KPNA4: variants seen among roughly 807,000 people sequenced by gnomAD.
KPNA4 encodes importin subunit alpha-3.
KPNA4 carries 13 observed loss-of-function variants against 71.3 expected under a neutral mutation model. That is an observed-to-expected ratio of 0.18 (90% CI 0.12 to 0.29). The LOEUF (loss-of-function observed/expected upper bound fraction) is 0.29, where lower values mean the gene tolerates loss of function less well. KPNA4 is among the 10% of genes least tolerant of loss of function. The pLI is 1.00. For missense variants in KPNA4, 334 were observed against 603.2 expected (o/e 0.55, Z 4.67); for synonymous variants, 189 against 195.2 (o/e 0.97, Z 0.26).
intron 5 of KPNA4, 99 bp from the exon 6 acceptor site, chr3:160,531,656 T>C (rs1204830239): frequency 3.1e-5 from 18 of 575,780 alleles, no homozygotes; most frequent in Non-Finnish European, 5.1e-5. Context: ...AATCTGAATA[T>C]TTGGTACAAG....
chr3:160,533,212 C>T (rs977501173), intron 5 of KPNA4, among the ~76,000 whole-genome samples: 9 of 151,922 alleles, frequency 5.9e-5, no homozygotes, highest in Admixed American at 1.3e-4. Context: ...TTAGTAGAGA[C>T]GGGGGTTTCA....
At chr3:160,540,373 T>C (rs1413547893) in intron 1 of KPNA4, among the ~76,000 whole-genome samples, 2 of 152,210 alleles carry the variant, frequency 1.3e-5, no homozygotes, top group African/African-American at 4.8e-5. Context: ...TTGAAACTAC[T>C]AATAAAGCAT....
At chr3:160,531,087 A>C in intron 6 of KPNA4, 147 bp from the exon 7 acceptor site, 1 of 612,108 alleles carries the variant, frequency 1.6e-6, no homozygotes, top group East Asian at 2.9e-5. Flanking sequence ...TTAACCCTCA[A>C]CAACTGTTTA....
At chr3:160,513,935 G>A (rs746351484) in intron 13 of KPNA4, 142 bp downstream of exon 13, 19 of 455,608 alleles carry the variant, frequency 4.2e-5, no homozygotes, top group Middle Eastern at 3.8e-4. Context: ...TTCAAAAGTC[G>A]TAATGTTAAT....
chr3:160,518,289 C>T (rs1453558340), intron 11 of KPNA4, among the ~76,000 whole-genome samples: 1 of 151,714 alleles, frequency 6.6e-6, no homozygotes, highest in African/African-American at 2.4e-5. Flanking sequence ...GCGCCCGCTA[C>T]CACGCCCGGC....
rs146413888 is a variant in KPNA4 at position 160,559,370 on chromosome 3, A to C, written c.69+5844T>G. ...TGAACCTGACAGATTCTCAATACTT[A>C]AGATTTTTCTGAATTGTGTGGTTAA... On this transcript the variant is annotated intron_variant, in intron 1 of 16. Coordinates refer to ENST00000334256, the MANE Select transcript of KPNA4 (RefSeq NM_002268.5). 7.6e-3 allele frequency among the ~76,000 whole-genome samples: 1,160 copies of C among 152,290 alleles called. 11 individuals carry two copies. Among genetic ancestry groups the C allele is most frequent in the Non-Finnish European group, 9.3e-3 (630 of 67,990 alleles).
chr3:160,520,919 G>C (rs773110728), intron 11 of KPNA4, among the ~76,000 whole-genome samples: 3 of 152,164 alleles, frequency 2.0e-5, no homozygotes, highest in Non-Finnish European at 4.4e-5. Flanking sequence ...TACAACTGTA[G>C]CTTAACAGCT....
intron 14 of KPNA4, among the ~76,000 whole-genome samples, 198 bp from the exon 15 acceptor site, chr3:160,508,467 AAAC>A (rs1378991699): frequency 6.6e-6 from 1 of 152,172 alleles, no homozygotes; most frequent in Non-Finnish European, 1.5e-5. Flanking sequence ...ACTTAGAAAA[AAAC>A]AACGTAAAGT....
chr3:160,536,826 T>G lies in KPNA4; in HGVS notation c.84A>C (p.Gln28His). ...KGRDLETMRR[Q>H]RNEVVVELRK... ...TTAATTCAACTACAACTTCATTTCG[T>G]TGTCTTCTCATAGTCTACAAAAAAA... The change falls in exon 2 of 17, where the codon CAA (glutamine) becomes CAC (histidine). Residue 28 changes from glutamine to histidine, a missense_variant. Transcript: ENST00000334256. The G allele has an allele frequency of 1.9e-6, 3 of 1,581,570 alleles. No individual in the cohort carries two copies. Among genetic ancestry groups the G allele is most frequent in the Non-Finnish European group, 2.6e-6 (3 of 1,153,732 alleles).
chr3:160,539,257 T>C (rs1358471582), intron 1 of KPNA4, among the ~76,000 whole-genome samples: 1 of 152,212 alleles, frequency 6.6e-6, no homozygotes, highest in East Asian at 1.9e-4. Flanking sequence ...TTGGTACAGA[T>C]ATAGATTTTT....
At chr3:160,545,451 T>C (rs1721884987) in intron 1 of KPNA4, among the ~76,000 whole-genome samples, 1 of 152,172 alleles carries the variant, frequency 6.6e-6, no homozygotes, top group South Asian at 2.1e-4. Flanking sequence ...TGAAAGACTG[T>C]AAATAAAGTT....
intron 1 of KPNA4, among the ~76,000 whole-genome samples, chr3:160,544,905 G>A (rs936752325): frequency 1.3e-5 from 2 of 152,094 alleles, no homozygotes; most frequent in African/African-American, 4.8e-5. Context: ...TCAAACTCAT[G>A]GTTTTCTTAC....
chr3:160,528,661 C>T (rs1175710192), intron 7 of KPNA4, among the ~76,000 whole-genome samples: 3 of 152,116 alleles, frequency 2.0e-5, no homozygotes, highest in East Asian at 3.9e-4. Flanking sequence ...CCACTGCACC[C>T]GGCCTGAAGT....
At chr3:160,549,078 T>C (rs1721987277) in intron 1 of KPNA4, among the ~76,000 whole-genome samples, 1 of 152,238 alleles carries the variant, frequency 6.6e-6, no homozygotes, top group Admixed American at 6.5e-5. Context: ...CTATTTTGTT[T>C]ATCCTCCTTA....
At chr3:160,521,362 G>T (rs1721345737) in intron 11 of KPNA4, among the ~76,000 whole-genome samples, 1 of 152,218 alleles carries the variant, frequency 6.6e-6, no homozygotes. Flanking sequence ...ACTTTGGGAG[G>T]CTGGGGTGGA....
chr3:160,547,263 TC>T (rs1330550031), intron 1 of KPNA4, among the ~76,000 whole-genome samples: 1 of 152,190 alleles, frequency 6.6e-6, no homozygotes, highest in Admixed American at 6.5e-5. Context: ...TTATTCACAA[TC>T]CTCTCCTCCC....
At chr3:160,504,115 T>G (rs1720937208) in intron 16 of KPNA4, among the ~76,000 whole-genome samples, 1 of 152,220 alleles carries the variant, frequency 6.6e-6, no homozygotes, top group African/African-American at 2.4e-5. Flanking sequence ...ATTTTATTTC[T>G]GGTTTATTTA....
chr3:160,548,084 G>T (rs1419991270), intron 1 of KPNA4, among the ~76,000 whole-genome samples: 2 of 152,156 alleles, frequency 1.3e-5, no homozygotes, highest in African/African-American at 2.4e-5. Flanking sequence ...TATGGTAAGA[G>T]TATGTTCAGT....
At chr3:160,539,127 C>A (rs1469618070) in intron 1 of KPNA4, among the ~76,000 whole-genome samples, 1 of 152,156 alleles carries the variant, frequency 6.6e-6, no homozygotes, top group Admixed American at 6.6e-5. Context: ...TATGGGAAGG[C>A]TTTTCCCTTC....
Sources: allele counts gnomAD v4.1 joint callset (sites outside exome capture counted in the v4.1 genomes callset), GRCh38; gene constraint gnomAD v4.1.1; transcripts MANE v1.5; gene names NCBI Gene and HGNC (gene_info 2026-07-23, HGNC 2026-07-21).